The following NEGR1 variants were observed in gnomAD, a reference collection of about 807,000 sequenced individuals.
NEGR1 encodes the protein neuronal growth regulator 1.
In NEGR1, 10 loss-of-function variants were observed where a neutral mutation model predicts 40.9. That is an observed-to-expected ratio of 0.24 (90% CI 0.15 to 0.42). NEGR1 has a LOEUF of 0.42. Among genes scored for constraint, NEGR1 ranks in the 10% least tolerant of loss-of-function variants. The probability of loss-of-function intolerance (pLI) is 1.00; values close to 1 mark genes in which losing one functional copy is unlikely to be tolerated. For synonymous variants in NEGR1, 185 were observed against 166.8 expected, an observed-to-expected ratio of 1.11 and a Z score of -0.84; for missense variants, 352 against 438.9, an observed-to-expected ratio of 0.80 and a Z score of 1.77.
At chr1:71,685,374 G>A (rs1309729383) in intron 4 of NEGR1, among the ~76,000 whole-genome samples, 3 of 149,884 alleles carry the variant, frequency 2.0e-5, no homozygotes, top group Non-Finnish European at 4.4e-5. Context: ...CCAGGCTGGA[G>A]TGCAATGGCA....
chr1:71,566,543 T>G (rs1325084043), intron 6 of NEGR1, among the ~76,000 whole-genome samples: 2 of 152,170 alleles, frequency 1.3e-5, no homozygotes, highest in Non-Finnish European at 2.9e-5. Flanking sequence ...CTAGATTAGG[T>G]AACAGGCTAG....
At chr1:71,987,496 A>C (rs1192789392) in intron 1 of NEGR1, among the ~76,000 whole-genome samples, 3 of 152,224 alleles carry the variant, frequency 2.0e-5, no homozygotes, top group African/African-American at 7.2e-5. Context: ...ACTGCTGAGC[A>C]AACAAAGAAA....
At chr1:71,908,831 C>T (rs989909182) in intron 2 of NEGR1, among the ~76,000 whole-genome samples, 1 of 152,104 alleles carries the variant, frequency 6.6e-6, no homozygotes, top group African/African-American at 2.4e-5. Context: ...TTCTAAACTA[C>T]TTCCCGTGTT....
At chr1:71,699,849 A>T (rs954989436) in intron 3 of NEGR1, among the ~76,000 whole-genome samples, 1 of 151,814 alleles carries the variant, frequency 6.6e-6, no homozygotes, top group Non-Finnish European at 1.5e-5. Context: ...CATAATAGTG[A>T]ATAAGTCTCA....
At chr1:72,092,026 G>A (rs932044074) in intron 1 of NEGR1, among the ~76,000 whole-genome samples, 2 of 151,990 alleles carry the variant, frequency 1.3e-5, no homozygotes, top group African/African-American at 4.8e-5. Context: ...TGAGGGTTAG[G>A]GATTCAACAT....
intron 6 of NEGR1, among the ~76,000 whole-genome samples, chr1:71,540,989 G>A (rs139207050): frequency 0.014 from 2,166 of 151,608 alleles, 20 homozygotes; most frequent in Non-Finnish European, 0.022. Context: ...AAGATCTCAT[G>A]AGAACTCACT....
chr1:72,216,415 A>G (rs1557582876), intron 1 of NEGR1, among the ~76,000 whole-genome samples: 3 of 146,260 alleles, frequency 2.1e-5, no homozygotes, highest in African/African-American at 5.0e-5. Context: ...ATATATATAT[A>G]TGTATATCTA....
intron 1 of NEGR1, among the ~76,000 whole-genome samples, chr1:72,012,809 A>G (rs1646669209): frequency 7.1e-6 from 1 of 140,870 alleles, no homozygotes; most frequent in South Asian, 2.5e-4. Flanking sequence ...GTGTGTATAT[A>G]TATATATACA....
At chr1:71,865,565 CA>C (rs1266190286) in intron 2 of NEGR1, among the ~76,000 whole-genome samples, 4 of 151,950 alleles carry the variant, frequency 2.6e-5, no homozygotes. Context: ...AACACATGGA[CA>C]CAGGGAGGGG....
At chr1:72,200,876 T>C (rs1303980005) in intron 1 of NEGR1, among the ~76,000 whole-genome samples, 2 of 151,914 alleles carry the variant, frequency 1.3e-5, no homozygotes, top group East Asian at 1.9e-4. Flanking sequence ...TTAGCACTTA[T>C]ATGTATTTGC....
chr1:71,736,507 A>C (rs1450729814), intron 3 of NEGR1, among the ~76,000 whole-genome samples: 1 of 152,124 alleles, frequency 6.6e-6, no homozygotes, highest in Non-Finnish European at 1.5e-5. Context: ...TGCTGCAGTA[A>C]TTATTAATTG....
chr1:72,007,772 T>A (rs958441858), intron 1 of NEGR1, among the ~76,000 whole-genome samples: 1 of 152,174 alleles, frequency 6.6e-6, no homozygotes, highest in Non-Finnish European at 1.5e-5. Flanking sequence ...TCTAAAGATA[T>A]AGGCCATTTT....
At chr1:71,748,775 T>A (rs996610150) in intron 3 of NEGR1, among the ~76,000 whole-genome samples, 8 of 152,116 alleles carry the variant, frequency 5.3e-5, no homozygotes, top group Admixed American at 2.0e-4. Context: ...AATTTCACTT[T>A]GGCATGAAAA....
At chr1:71,970,602 G>GTAGA (rs1157393744) in intron 1 of NEGR1, among the ~76,000 whole-genome samples, 1 of 152,040 alleles carries the variant, frequency 6.6e-6, no homozygotes, top group Non-Finnish European at 1.5e-5. Context: ...GGCCGAGGGA[G>GTAGA]TAGAATCACT....
intron 1 of NEGR1, among the ~76,000 whole-genome samples, chr1:72,104,555 C>T (rs923455039): frequency 1.3e-5 from 2 of 152,010 alleles, no homozygotes; most frequent in Non-Finnish European, 2.9e-5. Context: ...TGATTTTGAA[C>T]CTCTGATCTC....
At chr1:71,579,525 TAAG>T (rs1337779407) in intron 6 of NEGR1, among the ~76,000 whole-genome samples, 1 of 151,980 alleles carries the variant, frequency 6.6e-6, no homozygotes, top group East Asian at 1.9e-4. Context: ...TTTAAATAAT[TAAG>T]AAGAATTGGA....
At chr1:71,737,381 T>C (rs1040208138) in intron 3 of NEGR1, among the ~76,000 whole-genome samples, 2 of 151,394 alleles carry the variant, frequency 1.3e-5, no homozygotes, top group African/African-American at 2.4e-5. Context: ...GGAATGCTAA[T>C]GTTGACTGAA....
intron 2 of NEGR1, among the ~76,000 whole-genome samples, chr1:71,815,443 T>C (rs1658168017): frequency 6.6e-6 from 1 of 152,072 alleles, no homozygotes; most frequent in Non-Finnish European, 1.5e-5. Flanking sequence ...AGGGCTGAGG[T>C]CAAGTCCTAA....
intron 2 of NEGR1, among the ~76,000 whole-genome samples, chr1:71,898,621 CAAAGAAACA>C (rs1469287596): frequency 6.6e-6 from 1 of 150,856 alleles, no homozygotes; most frequent in East Asian, 2.0e-4. Context: ...TCTCAAAAAA[CAAAGAAACA>C]AAAGAAACAA....
Sources: allele counts gnomAD v4.1 joint callset (sites outside exome capture counted in the v4.1 genomes callset), GRCh38; gene constraint gnomAD v4.1.1; transcripts MANE v1.5; gene names NCBI Gene and HGNC (gene_info 2026-07-23, HGNC 2026-07-21).